The following ATP8A2 variants were observed in gnomAD, a reference collection of about 807,000 sequenced individuals.
ATP8A2 encodes the protein phospholipid-transporting ATPase IB.
ATP8A2 carries 100 observed loss-of-function variants against 165.6 expected under a neutral mutation model. The observed-to-expected ratio is 0.60, with a 90% CI of 0.51 to 0.71. The LOEUF (loss-of-function observed/expected upper bound fraction) is 0.71. Among genes scored for constraint, ATP8A2 ranks in the 30% least tolerant of loss-of-function variants. The pLI is 0.00. For missense variants in ATP8A2, 1,227 were observed against 1,479.5 expected (o/e 0.83, Z 2.80); for synonymous variants, 543 against 548.8 (o/e 0.99, Z 0.15).
chr13:25,480,738 A>G (rs1476811474), intron 2 of ATP8A2, among the ~76,000 whole-genome samples: 1 of 150,706 alleles, frequency 6.6e-6, no homozygotes, highest in Non-Finnish European at 1.5e-5. Flanking sequence ...GACGCTCCTC[A>G]CTTCCTAGAC....
At chr13:25,616,401 G>A (rs9511833) in intron 24 of ATP8A2, among the ~76,000 whole-genome samples, 74,850 of 145,410 alleles carry the variant, frequency 0.51, 20,305 homozygotes, top group Admixed American at 0.63. Flanking sequence ...GCACCATCTC[G>A]GCTCACTGCA....
intron 1 of ATP8A2, among the ~76,000 whole-genome samples, chr13:25,377,434 G>A (rs1470784229): frequency 6.6e-6 from 1 of 152,172 alleles, no homozygotes; most frequent in African/African-American, 2.4e-5. Flanking sequence ...GCCCTTCCAG[G>A]AATAGAGTAA....
intron 33 of ATP8A2, among the ~76,000 whole-genome samples, chr13:25,890,268 G>GCACAA (rs1555285761): frequency 6.6e-6 from 1 of 152,192 alleles, no homozygotes; most frequent in East Asian, 1.9e-4. Context: ...TATATCTTTA[G>GCACAA]CACAACACTT....
intron 24 of ATP8A2, among the ~76,000 whole-genome samples, chr13:25,652,027 G>C (rs1160733492): frequency 6.6e-6 from 1 of 151,780 alleles, no homozygotes; most frequent in Admixed American, 6.6e-5. Flanking sequence ...ATTTTATTCC[G>C]ACCTATGATG....
chr13:25,469,259 C>A (rs2035771079), intron 2 of ATP8A2, 138 bp downstream of exon 2: 2 of 1,088,292 alleles, frequency 1.8e-6, no homozygotes, highest in Non-Finnish European at 2.6e-6. Flanking sequence ...GCCCCCTCCC[C>A]ACCCCACTAG....
At chr13:25,742,827 C>T (rs1319287275) in intron 25 of ATP8A2, among the ~76,000 whole-genome samples, 2 of 151,908 alleles carry the variant, frequency 1.3e-5, no homozygotes, top group Non-Finnish European at 2.9e-5. Context: ...AGTTTGTCAC[C>T]CCTTCGAGTC....
intron 30 of ATP8A2, among the ~76,000 whole-genome samples, chr13:25,858,523 C>G (rs537964073): frequency 2.0e-5 from 3 of 152,152 alleles, no homozygotes; most frequent in African/African-American, 7.2e-5. Flanking sequence ...TGGCTGGAAT[C>G]GGGAGACTGT....
intron 33 of ATP8A2, among the ~76,000 whole-genome samples, chr13:25,934,310 G>A (rs1954832393): frequency 6.6e-6 from 1 of 152,184 alleles, no homozygotes; most frequent in South Asian, 2.1e-4. Flanking sequence ...TGACAGAGCA[G>A]CCACTGAGAA....
At chr13:25,901,341 G>A (rs1953741562) in intron 33 of ATP8A2, among the ~76,000 whole-genome samples, 1 of 151,274 alleles carries the variant, frequency 6.6e-6, no homozygotes, top group Non-Finnish European at 1.5e-5. Context: ...CCTTGGGAGT[G>A]TTATGGGATT....
intron 27 of ATP8A2, among the ~76,000 whole-genome samples, chr13:25,827,851 G>C (rs1381493218): frequency 1.3e-5 from 2 of 152,210 alleles, no homozygotes; most frequent in African/African-American, 4.8e-5. Flanking sequence ...CCTATTAAAT[G>C]CAAATTAAAT....
chr13:25,737,420 C>G (rs2043795984), intron 25 of ATP8A2, among the ~76,000 whole-genome samples: 1 of 152,220 alleles, frequency 6.6e-6, no homozygotes, highest in Non-Finnish European at 1.5e-5. Flanking sequence ...TGTTGGTTTA[C>G]TGATCCCCAG....
In ATP8A2 at chr13:25,685,921, C is replaced by T. The variant is rs554353550; in HGVS notation, c.2212-13252C>T. On this transcript the variant is annotated intron_variant, in intron 24 of 36. Transcript: ENST00000381655. Reference sequence around the variant, plus strand: ...TCCAGGTGAGGGAGGGTGACCCTAGCAGTGGCCAGGTGAGATATGGTCAGG... The same window carrying T: ...TCCAGGTGAGGGAGGGTGACCCTAGTAGTGGCCAGGTGAGATATGGTCAGG... Among the ~76,000 whole-genome samples, 3 of 152,230 alleles carry T rather than the reference C, an allele frequency of 2.0e-5. No homozygotes were observed. In the South Asian group the frequency reaches 6.2e-4, roughly 32 times the overall value.
chr13:25,546,624 A>G (rs2038658774), intron 10 of ATP8A2, among the ~76,000 whole-genome samples: 2 of 149,490 alleles, frequency 1.3e-5, no homozygotes, highest in Admixed American at 6.7e-5. Flanking sequence ...TATAATTTCT[A>G]TTAGTTGATT....
At chr13:25,797,450 T>G (rs1246346520) in intron 27 of ATP8A2, among the ~76,000 whole-genome samples, 5 of 152,144 alleles carry the variant, frequency 3.3e-5, no homozygotes, top group Admixed American at 3.3e-4. Context: ...AATTTAAAAT[T>G]TTATTAAAAA....
At chr13:25,997,039 G>C (rs1402962705) in intron 35 of ATP8A2, among the ~76,000 whole-genome samples, 1 of 152,138 alleles carries the variant, frequency 6.6e-6, no homozygotes, top group Non-Finnish European at 1.5e-5. Flanking sequence ...GACTGTTCTT[G>C]AACTCCTGAC....
chr13:25,615,357 A>G (rs2040796278), intron 24 of ATP8A2, among the ~76,000 whole-genome samples: 1 of 152,140 alleles, frequency 6.6e-6, no homozygotes, highest in Admixed American at 6.5e-5. Context: ...CTCAGCTACC[A>G]TGAAGCCCGA....
chr13:25,486,061 A>G (rs1414978233), intron 2 of ATP8A2, among the ~76,000 whole-genome samples: 1 of 152,214 alleles, frequency 6.6e-6, no homozygotes, highest in Non-Finnish European at 1.5e-5. Context: ...AGAAAGCTGG[A>G]GACTATCTGT....
chr13:25,776,275 T>C (rs1404004455), intron 27 of ATP8A2, among the ~76,000 whole-genome samples: 1 of 152,200 alleles, frequency 6.6e-6, no homozygotes, highest in Non-Finnish European at 1.5e-5. Context: ...TCTTAAGGAA[T>C]GTTCCAAGCA....
rs989624518 is a variant in ATP8A2, at chr13:25,953,374, T to C, written c.3184-8201T>C. On this transcript the variant is annotated intron_variant, in intron 33 of 36. Transcript: ENST00000381655. This position sits in a 1 kb window ranked among gnomAD's most constrained non-coding sequence, Gnocchi z 6.7. ...AAATAAAATGCTTTATGGGAAGTTC[T>C]GGCACAGAGTGACGCACGAAGAAAT... Among the ~76,000 whole-genome samples the C allele has an allele frequency of 6.6e-6, 1 of 152,034 alleles. No homozygotes were observed. The highest frequency in any genetic ancestry group is 2.4e-5 in the African/African-American group (1 of 41,402).
Sources: allele counts gnomAD v4.1 joint callset (sites outside exome capture counted in the v4.1 genomes callset), GRCh38; gene constraint gnomAD v4.1.1; non-coding constraint Gnocchi (gnomAD v3.1); transcripts MANE v1.5; gene names NCBI Gene and HGNC (gene_info 2026-07-23, HGNC 2026-07-21).